VGLL4: variants seen among roughly 807,000 people sequenced by gnomAD.
VGLL4 encodes vestigial like family member 4.
VGLL4 carries 7 observed loss-of-function variants against 21.0 expected under a neutral mutation model. The ratio of observed to expected loss-of-function variants is 0.33; its 90% CI spans 0.19 to 0.63. The LOEUF is 0.63. VGLL4 is among the 20% of genes least tolerant of loss of function. The pLI, the probability that VGLL4 is intolerant of heterozygous loss-of-function variation, is 0.78. For missense variants in VGLL4, 394 were observed against 425.7 expected (o/e 0.93, Z 0.66); for synonymous variants, 222 against 173.2 (o/e 1.28, Z -2.21).
At chr3:11,639,470 G>T (rs2075648058) in intron 1 of VGLL4, among the ~76,000 whole-genome samples, 1 of 152,254 alleles carries the variant, frequency 6.6e-6, no homozygotes, top group African/African-American at 2.4e-5. Context: ...AAGGAGAAGT[G>T]GGAGAGGCTC....
At chr3:11,648,148 T>C (rs2075819462), upstream of VGLL4, among the ~76,000 whole-genome samples, 1 of 152,212 alleles carries the variant, frequency 6.6e-6, no homozygotes, top group Non-Finnish European at 1.5e-5. Flanking sequence ...AAGCTAGTTC[T>C]TTTTCTACGA....
At chr3:11,666,951 C>T (rs2076136556) in intron 2 of VGLL4, among the ~76,000 whole-genome samples, 2 of 152,334 alleles carry the variant, frequency 1.3e-5, no homozygotes, top group Non-Finnish European at 2.9e-5. Context: ...TCCTTCCTGA[C>T]TCCGCTTCCT....
intron 2 of VGLL4, among the ~76,000 whole-genome samples, chr3:11,665,597 C>T (rs891562612): frequency 6.6e-6 from 1 of 152,196 alleles, no homozygotes; most frequent in Non-Finnish European, 1.5e-5. Context: ...AGCATTGCTC[C>T]CTGCAAAGGA....
At position 11,653,376 on chromosome 3, in the gene VGLL4, G is replaced by C. The variant is rs1225727565; in HGVS notation, c.64+49595C>G. Among the ~76,000 whole-genome samples the C allele has an allele frequency of 6.6e-6, 1 of 152,186 alleles. No homozygotes were observed. The highest frequency in any genetic ancestry group is 1.5e-5 in the Non-Finnish European group (1 of 68,044). ...AGTTGTATAACACTTTATAGAAAGA[G>C]AATCGTATGATGCTAGCTACTCTTG... On this transcript the variant is annotated intron_variant, in intron 2 of 5. Coordinates refer to the VGLL4 transcript ENST00000273038. The surrounding 1 kb of genome is among the most constrained non-coding windows in gnomAD (Gnocchi z 4.2).
chr3:11,634,700 C>G (rs1422915876), intron 1 of VGLL4, among the ~76,000 whole-genome samples: 1 of 150,804 alleles, frequency 6.6e-6, no homozygotes, highest in Admixed American at 6.6e-5. Context: ...TCTTTTGAGA[C>G]CGAGTCTCAC....
chr3:11,703,970 A>G (rs1164508266), intron 1 of VGLL4, among the ~76,000 whole-genome samples: 2 of 152,236 alleles, frequency 1.3e-5, no homozygotes, highest in Admixed American at 1.3e-4. Flanking sequence ...TCCACGAGGC[A>G]TGGTAGCTCA....
chr3:11,678,747 T>G (rs553877664), intron 2 of VGLL4, among the ~76,000 whole-genome samples: 28 of 152,270 alleles, frequency 1.8e-4, no homozygotes, highest in African/African-American at 6.7e-4. Flanking sequence ...TAAAAAAAAT[T>G]TAAGTACATT....
chr3:11,697,459 A>G (rs1178130322), intron 2 of VGLL4, among the ~76,000 whole-genome samples: 3 of 152,130 alleles, frequency 2.0e-5, no homozygotes, highest in Non-Finnish European at 4.4e-5. Context: ...AAGCCACAGT[A>G]TTAGATGCTG....
intron 1 of VGLL4, among the ~76,000 whole-genome samples, chr3:11,635,766 C>G (rs58545021): frequency 2.1e-3 from 323 of 152,330 alleles, no homozygotes; most frequent in African/African-American, 7.3e-3. Context: ...CAGAGCTGTG[C>G]TAGAAAACTG....
At chr3:11,668,589 A>C (rs2076160486) in intron 2 of VGLL4, among the ~76,000 whole-genome samples, 1 of 151,570 alleles carries the variant, frequency 6.6e-6, no homozygotes, top group Non-Finnish European at 1.5e-5. Context: ...TACCTTTCGA[A>C]AACCCATCTC....
intron 2 of VGLL4, among the ~76,000 whole-genome samples, chr3:11,694,221 C>A (rs1375288875): frequency 2.0e-5 from 3 of 152,146 alleles, no homozygotes; most frequent in African/African-American, 7.2e-5. Context: ...CATGGAGAAT[C>A]TTTTTTAAAA....
intron 2 of VGLL4, among the ~76,000 whole-genome samples, chr3:11,688,488 C>T (rs1158694452): frequency 6.6e-6 from 1 of 152,176 alleles, no homozygotes; most frequent in Non-Finnish European, 1.5e-5. Flanking sequence ...TCATCTATTT[C>T]ATCTACATTT....
At chr3:11,635,926 A>C (rs1429889658) in intron 1 of VGLL4, among the ~76,000 whole-genome samples, 3 of 152,226 alleles carry the variant, frequency 2.0e-5, no homozygotes, top group African/African-American at 7.2e-5. Context: ...ATTAGAGAAG[A>C]GGTCATAACT....
At chr3:11,610,019 T>A (rs1241751213) in intron 1 of VGLL4, among the ~76,000 whole-genome samples, 1 of 152,146 alleles carries the variant, frequency 6.6e-6, no homozygotes, top group Admixed American at 6.5e-5. Flanking sequence ...AGCCCCTTTA[T>A]CATGTTTGAA....
chr3:11,559,573 C>A, intron 3 of VGLL4, 118 bp from the exon 4 acceptor site: 1 of 1,373,004 alleles, frequency 7.3e-7, no homozygotes, highest in Non-Finnish European at 9.5e-7. Flanking sequence ...CCCAGTCTGC[C>A]ACCTCCCACT....
intron 2 of VGLL4, among the ~76,000 whole-genome samples, chr3:11,688,432 T>C (rs1045939063): frequency 6.6e-6 from 1 of 152,318 alleles, no homozygotes; most frequent in East Asian, 1.9e-4. Flanking sequence ...TTTACCATGA[T>C]TATTGACCAA....
chr3:11,667,790 A>G (rs1190018849), intron 2 of VGLL4, among the ~76,000 whole-genome samples: 1 of 151,168 alleles, frequency 6.6e-6, no homozygotes, highest in Non-Finnish European at 1.5e-5. Context: ...TTCCTTACAA[A>G]TAGAGAACCT....
At chr3:11,702,986 C>T (rs2076704589) in exon 2 of VGLL4, 2 of 1,612,294 alleles carry the variant, frequency 1.2e-6, no homozygotes, top group Non-Finnish European at 1.7e-6. Context: ...TCGTCATCAG[C>T]ATGCACCAGA....
In VGLL4 at chr3:11,573,259, GAAAGAA is replaced by G. The variant is rs2073862455; in HGVS notation, c.273-8246_273-8241del. 2.8e-4 allele frequency among the ~76,000 whole-genome samples: 3 copies of G among 10,760 alleles called. 1 individual carries two copies. The highest frequency in any genetic ancestry group is 4.2e-4 in the Non-Finnish European group (3 of 7,124). 7.1% of individuals were successfully genotyped at this position (10,760 alleles called of 152,430 possible). ...GAAAAGAAATAGAGAAAGAAAGAAA[GAAAGAA>G]AGAAAGAAAGAAAGAAAGAAAGAAA... On this transcript the variant is annotated intron_variant, in intron 2 of 4. Coordinates refer to ENST00000430365, the MANE Select transcript of VGLL4 (RefSeq NM_001128219.3).
Sources: gnomAD v4.1 joint callset for allele counts (sites outside exome capture counted in the v4.1 genomes callset) on GRCh38, gnomAD v4.1.1 for gene constraint, Gnocchi (gnomAD v3.1) non-coding constraint, MANE v1.5 for transcripts, NCBI Gene and HGNC (gene_info 2026-07-23, HGNC 2026-07-21) for gene names.